RASGRP3: variants seen among roughly 807,000 people sequenced by gnomAD.
RASGRP3 encodes ras guanyl-releasing protein 3.
In RASGRP3, 54 loss-of-function variants were observed where a neutral mutation model predicts 82.7. That is an observed-to-expected ratio of 0.65 (90% confidence interval 0.52 to 0.82). The LOEUF is 0.82. Among genes scored for constraint, RASGRP3 ranks in the 40% least tolerant of loss-of-function variants. The pLI, the probability that RASGRP3 is intolerant of heterozygous loss-of-function variation, is 0.00. For missense variants in RASGRP3, 861 were observed against 828.9 expected (o/e 1.04, Z -0.48); for synonymous variants, 309 against 300.5 (o/e 1.03, Z -0.29).
chr2:33,489,171 A>C (rs62147157), intron 1 of RASGRP3, among the ~76,000 whole-genome samples: 1 of 152,302 alleles, frequency 6.6e-6, no homozygotes, highest in East Asian at 1.9e-4. Flanking sequence ...ACAGCCCTGC[A>C]TGACAATCAA....
At chr2:33,472,589 T>C (rs1667120534), upstream of RASGRP3, among the ~76,000 whole-genome samples, 2 of 151,966 alleles carry the variant, frequency 1.3e-5, no homozygotes, top group African/African-American at 4.8e-5. Flanking sequence ...GACCTGAGGA[T>C]GAAGGAGGTA....
rs375670022 is a variant in RASGRP3 at position 33,543,541 on chromosome 2, T to C, written c.1308T>C (p.His436=). The change falls in exon 13 of 18, where the codon CAT becomes CAC. Residue 436 remains histidine, a synonymous_variant. Coordinates refer to ENST00000403687, the MANE Select transcript of RASGRP3 (RefSeq NM_001139488.2). ...TATTTAGAAACTATGATCACGACCATGATGGGTACATTTCCCAAGAGGACT... is the reference window on the plus strand; with the variant it reads ...TATTTAGAAACTATGATCACGACCACGATGGGTACATTTCCCAAGAGGACT... ...ESVFRNYDHD[H]DGYISQEDFE... The C allele has an allele frequency of 1.9e-6, 3 of 1,609,682 alleles. No individual in the cohort carries two copies. The highest frequency in any genetic ancestry group is 1.7e-5 in the Admixed American group (1 of 59,912).
At chr2:33,541,904 T>C (rs954036652) in intron 12 of RASGRP3, among the ~76,000 whole-genome samples, 3 of 147,370 alleles carry the variant, frequency 2.0e-5, no homozygotes, top group African/African-American at 7.3e-5. Context: ...TTTTCATCTA[T>C]TTATCTTTGG....
intron 1 of RASGRP3, among the ~76,000 whole-genome samples, chr2:33,486,997 A>T (rs1668455006): frequency 6.6e-6 from 1 of 152,132 alleles, no homozygotes; most frequent in Non-Finnish European, 1.5e-5. Context: ...ATGATAATTA[A>T]CCCCCATTTA....
chr2:33,549,924 C>A (rs899617112), intron 14 of RASGRP3, among the ~76,000 whole-genome samples, 173 bp downstream of exon 14: 5 of 152,174 alleles, frequency 3.3e-5, no homozygotes, highest in African/African-American at 1.2e-4. Flanking sequence ...TAGTTATTTT[C>A]TAGGAATGCA....
intron 2 of RASGRP3, among the ~76,000 whole-genome samples, chr2:33,459,288 C>G (rs972596095): frequency 3.3e-5 from 5 of 152,134 alleles, no homozygotes; most frequent in Non-Finnish European, 7.3e-5. Context: ...GCGCCCGCCA[C>G]CACGCCCTGC....
intron 2 of RASGRP3, among the ~76,000 whole-genome samples, chr2:33,468,042 TTC>T (rs1424194751): frequency 1.5e-5 from 2 of 132,112 alleles, no homozygotes; most frequent in Non-Finnish European, 3.3e-5. Flanking sequence ...CTTTCTTTCT[TTC>T]TCTCTTAGTG....
At chr2:33,520,054 T>C in intron 5 of RASGRP3, 40 bp downstream of exon 5, 1 of 1,487,924 alleles carries the variant, frequency 6.7e-7, no homozygotes, top group Non-Finnish European at 9.2e-7. Context: ...TAGTTTCTGG[T>C]TCTGGAATCG....
chr2:33,529,073 C>T (rs1038258393), intron 10 of RASGRP3, among the ~76,000 whole-genome samples: 1 of 152,092 alleles, frequency 6.6e-6, no homozygotes, highest in Non-Finnish European at 1.5e-5. Flanking sequence ...GGTGCCTACC[C>T]TTGGGCAATT....
chr2:33,458,298 G>T (rs1395865081), intron 2 of RASGRP3, among the ~76,000 whole-genome samples: 1 of 152,108 alleles, frequency 6.6e-6, no homozygotes, highest in Non-Finnish European at 1.5e-5. Flanking sequence ...GAATGCTTTG[G>T]CAATGTGAAT....
intron 1 of RASGRP3, among the ~76,000 whole-genome samples, chr2:33,491,917 G>A (rs904877907): frequency 2.6e-5 from 4 of 152,328 alleles, no homozygotes; most frequent in South Asian, 4.1e-4. Context: ...GAAGGGTAAC[G>A]GGGGTGAACA....
chr2:33,521,979 A>G lies in RASGRP3; in HGVS notation c.393A>G (p.Arg131=), dbSNP rs1672077089. Residue 131 remains arginine (R), a synonymous_variant, in exon 7 of 18, where the codon AGA becomes AGG. Transcript: ENST00000403687. ...GTCCTTCCTATGACTGGATGAGAAGAGTCACACAGAGGAAAAAAGTATCCA... is the reference window on the plus strand; with the variant it reads ...GTCCTTCCTATGACTGGATGAGAAGGGTCACACAGAGGAAAAAAGTATCCA... ...SSIPSYDWMR[R]VTQRKKVSKK... 6.2e-7 allele frequency: 1 copy of G among 1,613,420 alleles called. No homozygotes were observed. Among genetic ancestry groups the G allele is most frequent in the Non-Finnish European group, 8.5e-7 (1 of 1,179,750 alleles).
intron 1 of RASGRP3, among the ~76,000 whole-genome samples, chr2:33,477,551 C>T (rs1484657087): frequency 6.6e-6 from 1 of 152,226 alleles, no homozygotes; most frequent in Non-Finnish European, 1.5e-5. Flanking sequence ...GGAGGCCTGG[C>T]ATCCAAATTA....
chr2:33,476,244 C>G (rs183239662), upstream of RASGRP3: 3 of 152,320 alleles, frequency 2.0e-5, no homozygotes, highest in Middle Eastern at 3.4e-3. Flanking sequence ...CAACTTCCAC[C>G]TGCTGTGCGA....
intron 9 of RASGRP3, among the ~76,000 whole-genome samples, chr2:33,526,768 G>A (rs926899368): frequency 2.0e-5 from 3 of 152,186 alleles, no homozygotes; most frequent in Non-Finnish European, 4.4e-5. Flanking sequence ...TATCTGGAAT[G>A]CAACTTTCTT....
At chr2:33,536,170 C>T (rs1673585495) in intron 11 of RASGRP3, among the ~76,000 whole-genome samples, 1 of 151,834 alleles carries the variant, frequency 6.6e-6, no homozygotes, top group Non-Finnish European at 1.5e-5. Flanking sequence ...GGCATGCTAG[C>T]ATGTGCCTGT....
chr2:33,524,664 G>A, intron 9 of RASGRP3, 116 bp downstream of exon 9: 3 of 743,460 alleles, frequency 4.0e-6, no homozygotes, highest in Admixed American at 3.0e-5. Flanking sequence ...TTAAACCAGT[G>A]GTAGGTTATA....
At position 33,457,739 on chromosome 2, in the gene RASGRP3, T is replaced by C. The variant is rs1666116322; in HGVS notation, c.-261+9796T>C. Among the ~76,000 whole-genome samples, 4 of 152,284 alleles carry C rather than the reference T, an allele frequency of 2.6e-5. No individual in the cohort carries two copies. The South Asian group carries it at 8.3e-4, about 32-fold the overall frequency. Reference sequence around the variant, plus strand: ...AGGCTTAAGTGACTTACTTGGCTCTTACGTGACTGATTGGGGAACGAGAAT... The same window carrying C: ...AGGCTTAAGTGACTTACTTGGCTCTCACGTGACTGATTGGGGAACGAGAAT... On this transcript the variant is annotated intron_variant, in intron 2 of 18. Coordinates refer to the RASGRP3 transcript ENST00000402538.
intron 2 of RASGRP3, among the ~76,000 whole-genome samples, chr2:33,449,186 G>T (rs2150881996): frequency 6.6e-6 from 1 of 152,302 alleles, no homozygotes; most frequent in South Asian, 2.1e-4. Context: ...CAGATTACCA[G>T]ACATAAGATC....
Sources: allele counts gnomAD v4.1 joint callset (sites outside exome capture counted in the v4.1 genomes callset), GRCh38; gene constraint gnomAD v4.1.1; transcripts MANE v1.5; gene names NCBI Gene and HGNC (gene_info 2026-07-23, HGNC 2026-07-21).